ZRANB3: variants seen among roughly 807,000 people sequenced by gnomAD.
ZRANB3 encodes DNA annealing helicase and endonuclease ZRANB3.
In ZRANB3, 125 loss-of-function variants were observed where a neutral mutation model predicts 133.8. The observed-to-expected ratio is 0.93, with a 90% confidence interval of 0.81 to 1.08. The LOEUF (loss-of-function observed/expected upper bound fraction) is 1.08, where lower values mean the gene tolerates loss of function less well. ZRANB3 is among the 50% of genes least tolerant of loss of function. The probability of loss-of-function intolerance (pLI) is 0.00; values close to 1 mark genes in which losing one functional copy is unlikely to be tolerated. For missense variants in ZRANB3, 1,229 were observed against 1,275.5 expected (o/e 0.96, Z 0.56); for synonymous variants, 387 against 432.7 (o/e 0.89, Z 1.31).
At chr2:135,511,357 G>C in intron 1 of ZRANB3, 1 of 820,530 alleles carries the variant, frequency 1.2e-6, no homozygotes, top group Non-Finnish European at 2.2e-6. Flanking sequence ...TCAGGATCAG[G>C]CTCCAGTTCA....
chr2:135,401,567 C>T (rs1264108436), intron 2 of ZRANB3, among the ~76,000 whole-genome samples: 2 of 152,126 alleles, frequency 1.3e-5, no homozygotes, highest in Admixed American at 1.3e-4. Context: ...CAAAATGTGG[C>T]CAATGAGGCC....
At chr2:135,528,257 C>A (rs1392285849) in intron 1 of ZRANB3, among the ~76,000 whole-genome samples, 1 of 151,910 alleles carries the variant, frequency 6.6e-6, no homozygotes, top group Non-Finnish European at 1.5e-5. Flanking sequence ...CCAGCGATTC[C>A]CTCACCTCAG....
intron 12 of ZRANB3, among the ~76,000 whole-genome samples, chr2:135,242,796 A>G (rs933638246): frequency 6.6e-6 from 1 of 151,672 alleles, no homozygotes; most frequent in Non-Finnish European, 1.5e-5. Context: ...TTCCTTATTT[A>G]ATTATTAATT....
chr2:135,417,760 A>C (rs2104964110), intron 2 of ZRANB3, among the ~76,000 whole-genome samples: 1 of 152,334 alleles, frequency 6.6e-6, no homozygotes, highest in East Asian at 1.9e-4. Flanking sequence ...GCACATATAC[A>C]CCATGGAATA....
chr2:135,356,085 C>G (rs1685419641), intron 3 of ZRANB3, among the ~76,000 whole-genome samples: 1 of 151,974 alleles, frequency 6.6e-6, no homozygotes. Flanking sequence ...TCAAAATTTC[C>G]TCATCTTGTC....
At chr2:135,522,645 C>T (rs1222450370) in intron 1 of ZRANB3, among the ~76,000 whole-genome samples, 3 of 151,122 alleles carry the variant, frequency 2.0e-5, no homozygotes, top group African/African-American at 7.3e-5. Flanking sequence ...ACTAAAAATA[C>T]AAAAATTAGC....
At chr2:135,318,915 T>C (rs1683385539) in intron 6 of ZRANB3, among the ~76,000 whole-genome samples, 1 of 152,220 alleles carries the variant, frequency 6.6e-6, no homozygotes, top group African/African-American at 2.4e-5. Flanking sequence ...CCTCTACATA[T>C]TGTATTCTTA....
At chr2:135,222,901 A>G (rs189327961) in intron 15 of ZRANB3, among the ~76,000 whole-genome samples, 242 of 150,756 alleles carry the variant, frequency 1.6e-3, no homozygotes, top group African/African-American at 5.6e-3. Flanking sequence ...GTTTGAACCC[A>G]GGAGTTTGAG....
intron 8 of ZRANB3, among the ~76,000 whole-genome samples, chr2:135,298,403 A>G (rs138995185): frequency 1.6e-3 from 246 of 152,232 alleles, no homozygotes; most frequent in African/African-American, 5.7e-3. Context: ...TTGCTTTGTC[A>G]TATTACCAGA....
intron 5 of ZRANB3, among the ~76,000 whole-genome samples, 160 bp downstream of exon 5, chr2:135,349,824 C>A: frequency 6.6e-6 from 1 of 152,142 alleles, no homozygotes. Context: ...ATTAAAATAG[C>A]CATGATAAAA....
At chr2:135,239,176 G>A (rs117671219) in intron 12 of ZRANB3, among the ~76,000 whole-genome samples, 1 of 152,192 alleles carries the variant, frequency 6.6e-6, no homozygotes, top group East Asian at 1.9e-4. Context: ...GTACTTCTTA[G>A]TGGTACTATA....
chr2:135,231,006 A>G, intron 12 of ZRANB3, 79 bp from the exon 13 acceptor site: 1 of 1,345,540 alleles, frequency 7.4e-7, no homozygotes, highest in South Asian at 1.7e-5. Context: ...TTAACAAAAT[A>G]TTTTAATTAA....
chr2:135,519,689 C>T (rs1347284835), intron 1 of ZRANB3, among the ~76,000 whole-genome samples: 5 of 152,064 alleles, frequency 3.3e-5, no homozygotes, highest in Non-Finnish European at 7.4e-5. Flanking sequence ...TTTTTTCATG[C>T]ATTCAACAAA....
chr2:135,379,576 G>A (rs776907519), intron 3 of ZRANB3, among the ~76,000 whole-genome samples: 207 of 152,218 alleles, frequency 1.4e-3, no homozygotes, highest in Non-Finnish European at 2.0e-3. Context: ...CACAAGTGAA[G>A]GAGAAATAAA....
chr2:135,479,530 A>G (rs1335539778), intron 2 of ZRANB3, among the ~76,000 whole-genome samples: 1 of 151,930 alleles, frequency 6.6e-6, no homozygotes, highest in African/African-American at 2.4e-5. Flanking sequence ...AGCTACTCGG[A>G]AGGCTGAGGC....
intron 3 of ZRANB3, among the ~76,000 whole-genome samples, chr2:135,376,733 A>T (rs1686447064): frequency 6.6e-6 from 1 of 152,232 alleles, no homozygotes; most frequent in African/African-American, 2.4e-5. Flanking sequence ...TAGGGTAGTG[A>T]AACTGTCCTG....
chr2:135,350,206 C>T lies in ZRANB3; in HGVS notation c.369G>A (p.Ser123=), dbSNP rs1019673931. The change falls in exon 5 of 21, where the codon TCG becomes TCA. Residue 123 remains serine (S), a synonymous_variant. Coordinates refer to ENST00000264159, the MANE Select transcript of ZRANB3 (RefSeq NM_032143.4). ...IQNKTDVRRM[S]TSKVTVLGYG... ...AACCCAGAACTGTCACTTTACTGGT[C>T]GACATTCTCCTAGAAAAGAAAATCC... 1.0e-5 allele frequency: 16 copies of T among 1,583,754 alleles called. No homozygotes were observed. Among genetic ancestry groups the T allele is most frequent in the Middle Eastern group, 1.7e-4 (1 of 6,038 alleles).
intron 7 of ZRANB3, among the ~76,000 whole-genome samples, chr2:135,314,617 G>A (rs1341650684): frequency 6.6e-6 from 1 of 152,156 alleles, no homozygotes; most frequent in Non-Finnish European, 1.5e-5. Context: ...TGGTCACAGA[G>A]TTTTAGAATT....
At chr2:135,400,409 G>A (rs1320433207) in intron 2 of ZRANB3, among the ~76,000 whole-genome samples, 1 of 151,802 alleles carries the variant, frequency 6.6e-6, no homozygotes, top group Admixed American at 6.6e-5. Flanking sequence ...ACAATGGCAT[G>A]ATCTCGGTTC....
Sources: allele counts gnomAD v4.1 joint callset (sites outside exome capture counted in the v4.1 genomes callset), GRCh38; gene constraint gnomAD v4.1.1; transcripts MANE v1.5; gene names NCBI Gene and HGNC (gene_info 2026-07-23, HGNC 2026-07-21).